SNRNP40: variants seen among roughly 807,000 people sequenced by gnomAD.
SNRNP40 encodes U5 small nuclear ribonucleoprotein 40 kDa protein.
Under a neutral mutation model 45.8 loss-of-function variants are expected in SNRNP40, and 21 were observed. The ratio of observed to expected loss-of-function variants is 0.46; its 90% CI spans 0.32 to 0.66. The LOEUF is 0.66. Ranked by LOEUF, SNRNP40 falls within the 30% of genes least tolerant of loss-of-function variation. The pLI is 0.03. For synonymous variants in SNRNP40, 142 were observed against 163.8 expected (o/e 0.87, Z 1.01); for missense variants, 344 against 439.1 (o/e 0.78, Z 1.94).
At chr1:31,262,521 CAAAAAA>C (rs57503418) in intron 8 of SNRNP40, among the ~76,000 whole-genome samples, 2 of 40,618 alleles carry the variant, frequency 4.9e-5, no homozygotes, top group South Asian at 8.7e-4. Context: ...ACTCCATCTC[CAAAAAA>C]AAAAAAAAAA....
intron 3 of SNRNP40, among the ~76,000 whole-genome samples, chr1:31,289,636 A>T (rs1646088031): frequency 6.6e-6 from 1 of 152,182 alleles, no homozygotes; most frequent in Non-Finnish European, 1.5e-5. Flanking sequence ...TGTGAAGTTT[A>T]AAAAATTCCC....
rs1646161170 is a variant in SNRNP40 at position 31,296,531 on chromosome 1, G to A, written c.141+80C>T. The A allele has an allele frequency of 2.0e-6, 3 of 1,483,362 alleles. No homozygotes were observed. In the South Asian group the frequency reaches 4.0e-5, roughly 20 times the overall value. 91.9% of individuals were successfully genotyped at this position (1,483,362 alleles called of 1,614,324 possible). Reference sequence around the variant, plus strand: ...CGTTCTGCCCCCGCAATGCGGGAAAGGGTCAGGGATCACCAGATACAGCGC... The same window carrying A: ...CGTTCTGCCCCCGCAATGCGGGAAAAGGTCAGGGATCACCAGATACAGCGC... On this transcript the variant is annotated intron_variant, in intron 1 of 9. Coordinates refer to ENST00000263694, the MANE Select transcript of SNRNP40 (RefSeq NM_004814.3).
At chr1:31,285,739 AAG>A (rs1256629965) in intron 4 of SNRNP40, among the ~76,000 whole-genome samples, 3 of 152,212 alleles carry the variant, frequency 2.0e-5, no homozygotes, top group Admixed American at 1.3e-4. Context: ...TCCAGTCTGC[AAG>A]ACTCTCTCAA....
intron 4 of SNRNP40, among the ~76,000 whole-genome samples, chr1:31,283,154 G>A (rs969387506): frequency 6.6e-6 from 1 of 152,206 alleles, no homozygotes; most frequent in Non-Finnish European, 1.5e-5. Context: ...CATACAAAAA[G>A]ACAATCTGCA....
intron 8 of SNRNP40, among the ~76,000 whole-genome samples, chr1:31,267,568 T>C (rs1645907779): frequency 6.6e-6 from 1 of 152,146 alleles, no homozygotes; most frequent in African/African-American, 2.4e-5. Flanking sequence ...GTCTCGCTCT[T>C]GCTGCCCGGG....
At chr1:31,296,150 T>A (rs1405878526) in intron 1 of SNRNP40, among the ~76,000 whole-genome samples, 4 of 152,216 alleles carry the variant, frequency 2.6e-5, no homozygotes, top group African/African-American at 9.7e-5. Flanking sequence ...TCAATGAATG[T>A]TAGCTGCTAT....
intron 4 of SNRNP40, 78 bp from the exon 5 acceptor site, chr1:31,281,574 C>G (rs1012390628): frequency 1.5e-6 from 2 of 1,346,178 alleles, no homozygotes; most frequent in Admixed American, 2.2e-5. Context: ...CCCTTAAGTA[C>G]GAGGACTTTG....
chr1:31,282,943 TA>T (rs778760798), intron 4 of SNRNP40, among the ~76,000 whole-genome samples: 5 of 152,178 alleles, frequency 3.3e-5, no homozygotes, highest in Non-Finnish European at 7.3e-5. Flanking sequence ...CCCAAAGTGC[TA>T]AGATTACAGG....
At chr1:31,270,449 AT>A (rs1367317162) in intron 6 of SNRNP40, among the ~76,000 whole-genome samples, 2 of 152,208 alleles carry the variant, frequency 1.3e-5, no homozygotes, top group South Asian at 2.1e-4. Flanking sequence ...AGGAAAAAAT[AT>A]TTTTTTAATG....
intron 6 of SNRNP40, among the ~76,000 whole-genome samples, chr1:31,270,558 T>C (rs1334931448): frequency 2.0e-5 from 3 of 152,220 alleles, no homozygotes; most frequent in Non-Finnish European, 4.4e-5. Flanking sequence ...GTCATTTTAT[T>C]TGAGTATGAA....
intron 4 of SNRNP40, among the ~76,000 whole-genome samples, chr1:31,282,836 C>G (rs562149259): frequency 1.1e-4 from 16 of 152,146 alleles, no homozygotes; most frequent in African/African-American, 3.9e-4. Context: ...CCACTATGCC[C>G]AGCTAATTTT....
At chr1:31,296,404 A>T (rs971551984) in intron 1 of SNRNP40, among the ~76,000 whole-genome samples, 2 of 152,228 alleles carry the variant, frequency 1.3e-5, no homozygotes, top group African/African-American at 2.4e-5. Flanking sequence ...GGCAGTCGAG[A>T]GGCTGAAAAC....
At chr1:31,281,578 G>T in intron 4 of SNRNP40, 82 bp from the exon 5 acceptor site, 1 of 1,266,926 alleles carries the variant, frequency 7.9e-7, no homozygotes, top group Non-Finnish European at 1.1e-6. Context: ...TAAGTACGAG[G>T]ACTTTGTGGA....
chr1:31,263,557 T>C (rs1645876048), intron 8 of SNRNP40: 6 of 452,072 alleles, frequency 1.3e-5, no homozygotes, highest in South Asian at 3.3e-5. Flanking sequence ...GATGACTTTA[T>C]AGCCTTATCA....
intron 6 of SNRNP40, 66 bp from the exon 7 acceptor site, chr1:31,269,306 C>A: frequency 6.3e-7 from 1 of 1,595,808 alleles, no homozygotes; most frequent in Non-Finnish European, 8.5e-7. Context: ...TCCTGGGCAC[C>A]CAGCTGAAAT....
chr1:31,295,041 A>G (rs548964309), intron 1 of SNRNP40, among the ~76,000 whole-genome samples: 2 of 152,182 alleles, frequency 1.3e-5, no homozygotes, highest in South Asian at 4.2e-4. Context: ...GGGGGAAGGG[A>G]GAAGGGAAGG....
chr1:31,263,001 C>T (rs1376996270), intron 8 of SNRNP40, among the ~76,000 whole-genome samples: 1 of 99,138 alleles, frequency 1.0e-5, no homozygotes, highest in South Asian at 2.6e-4. Flanking sequence ...GATCCTGTCT[C>T]AAGAAAAAAA....
Position 31,262,737 on chromosome 1 carries a change from A to G in SNRNP40, c.921-1105T>C, listed in dbSNP as rs373383859. On this transcript the variant is annotated intron_variant, in intron 8 of 9. Transcript: ENST00000263694. Reference sequence around the variant, plus strand: ...TTATTTGTCATTAAAAAAAATTATGAGGCTGGGCATGGTGGCTCACATCTG... The same window carrying G: ...TTATTTGTCATTAAAAAAAATTATGGGGCTGGGCATGGTGGCTCACATCTG... Among the ~76,000 whole-genome samples the G allele has an allele frequency of 2.0e-5, 3 of 151,972 alleles. No homozygotes were observed. The South Asian group carries it at 6.2e-4, about 32-fold the overall frequency.
intron 7 of SNRNP40, among the ~76,000 whole-genome samples, chr1:31,268,729 C>T (rs968482989): frequency 4.6e-5 from 7 of 152,108 alleles, no homozygotes; most frequent in South Asian, 2.1e-4. Context: ...GAACTTGGGC[C>T]GTGGTAGTTA....
Sources: gnomAD v4.1 joint callset for allele counts (sites outside exome capture counted in the v4.1 genomes callset) on GRCh38, gnomAD v4.1.1 for gene constraint, MANE v1.5 for transcripts, NCBI Gene and HGNC (gene_info 2026-07-23, HGNC 2026-07-21) for gene names.